NEBL: variants seen among roughly 807,000 people sequenced by gnomAD.
NEBL encodes the protein nebulette.
In NEBL, 122 loss-of-function variants were observed where a neutral mutation model predicts 140.2. The observed-to-expected ratio is 0.87, with a 90% confidence interval of 0.75 to 1.01. The LOEUF (loss-of-function observed/expected upper bound fraction) is 1.01. Among genes scored for constraint, NEBL ranks in the 50% least tolerant of loss-of-function variants. NEBL has a pLI of 0.00. For synonymous variants in NEBL, 436 were observed against 398.9 expected, an observed-to-expected ratio of 1.09 and a Z score of -1.11; for missense variants, 1,365 against 1,231.3, an observed-to-expected ratio of 1.11 and a Z score of -1.62.
At chr10:20,805,802 A>G (rs530384528) in intron 26 of NEBL, among the ~76,000 whole-genome samples, 55 of 152,156 alleles carry the variant, frequency 3.6e-4, no homozygotes, top group African/African-American at 1.2e-3. Context: ...GCAGTGAGCC[A>G]AGATCACGTT....
At chr10:20,961,198 A>G (rs895105944) in intron 4 of NEBL, among the ~76,000 whole-genome samples, 2 of 152,210 alleles carry the variant, frequency 1.3e-5, no homozygotes, top group African/African-American at 4.8e-5. Flanking sequence ...GCACAGCTTC[A>G]AGTCCAAAGC....
At chr10:20,978,798 C>G (rs1836911000) in intron 3 of NEBL, among the ~76,000 whole-genome samples, 1 of 150,778 alleles carries the variant, frequency 6.6e-6, no homozygotes, top group African/African-American at 2.4e-5. Context: ...ATCCAGTAAT[C>G]AAAACAATTG....
chr10:21,238,907 G>A (rs1391159136), intron 3 of NEBL, among the ~76,000 whole-genome samples: 2 of 152,114 alleles, frequency 1.3e-5, no homozygotes, highest in African/African-American at 2.4e-5. Flanking sequence ...GAAAACAGAC[G>A]CTTTGGTTAC....
At chr10:21,227,962 A>C (rs772504792) in intron 3 of NEBL, among the ~76,000 whole-genome samples, 4 of 152,020 alleles carry the variant, frequency 2.6e-5, no homozygotes, top group Non-Finnish European at 5.9e-5. Flanking sequence ...ATAGATATTT[A>C]CATTTACATT....
At position 20,840,840 on chromosome 10, in the gene NEBL, T is replaced by C; in HGVS notation, c.1237A>G (p.Lys413Glu). The C allele has an allele frequency of 1.3e-6, 2 of 1,561,828 alleles. No homozygotes were observed. The highest frequency in any genetic ancestry group is 1.8e-6 in the Non-Finnish European group (2 of 1,134,900). The change falls in exon 13 of 28, where the codon AAA becomes GAA. Residue 413 changes from lysine (K) to glutamate (E), a missense_variant. Around this residue, in one of 2 missense-constraint regions of NEBL, gnomAD observed 1,323 missense variants for 1,154.8 expected, o/e 1.15. Transcript: ENST00000377122. ...TTTATCTCATTTTCCAAATCTTTTTTATATTCTTTCTATGAGACAAGAATA... is the reference window on the plus strand; with the variant it reads ...TTTATCTCATTTTCCAAATCTTTTTCATATTCTTTCTATGAGACAAGAATA... ...ITNLLREKEY[K>E]KDLENEIKGK...
At chr10:21,212,719 G>T (rs187729463) in intron 3 of NEBL, among the ~76,000 whole-genome samples, 2 of 152,128 alleles carry the variant, frequency 1.3e-5, no homozygotes, top group Admixed American at 1.3e-4. Context: ...GGCCACTTGC[G>T]ACTTCCACTG....
intron 2 of NEBL, among the ~76,000 whole-genome samples, chr10:21,092,610 A>ATAG (rs1269192122): frequency 1.3e-5 from 2 of 148,514 alleles, no homozygotes; most frequent in African/African-American, 4.9e-5. Flanking sequence ...AATAATAATA[A>ATAG]TAATAATAAT....
chr10:21,239,447 C>A (rs1454182184), intron 3 of NEBL, among the ~76,000 whole-genome samples: 1 of 152,002 alleles, frequency 6.6e-6, no homozygotes, highest in Admixed American at 6.6e-5. Flanking sequence ...CACTCTGCAC[C>A]CCCACATCCC....
At chr10:20,876,812 C>G (rs1845543141) in intron 5 of NEBL, among the ~76,000 whole-genome samples, 1 of 152,156 alleles carries the variant, frequency 6.6e-6, no homozygotes, top group South Asian at 2.1e-4. Context: ...AATAATGGAA[C>G]TAGGGCTTTC....
chr10:21,139,817 G>A (rs1839529503), intron 2 of NEBL, among the ~76,000 whole-genome samples: 1 of 152,062 alleles, frequency 6.6e-6, no homozygotes, highest in Admixed American at 6.5e-5. Flanking sequence ...ATAACTTTGT[G>A]TGAAGCTCAG....
At chr10:21,048,418 GC>G (rs1382753881) in intron 2 of NEBL, among the ~76,000 whole-genome samples, 1 of 134,420 alleles carries the variant, frequency 7.4e-6, no homozygotes, top group Non-Finnish European at 1.5e-5. Context: ...TCTTCCAAGG[GC>G]CATTCTACTC....
chr10:20,917,595 A>C (rs1002224658), intron 4 of NEBL, among the ~76,000 whole-genome samples: 1 of 152,186 alleles, frequency 6.6e-6, no homozygotes, highest in Non-Finnish European at 1.5e-5. Flanking sequence ...GACAATGTGG[A>C]TCTTAGAAGG....
At chr10:20,865,262 A>G (rs1193815334) in intron 7 of NEBL, among the ~76,000 whole-genome samples, 1 of 152,232 alleles carries the variant, frequency 6.6e-6, no homozygotes, top group East Asian at 1.9e-4. Flanking sequence ...AATTATTCCT[A>G]TGAAATTATG....
chr10:21,009,362 A>G (rs971439584), intron 3 of NEBL, among the ~76,000 whole-genome samples: 3 of 152,210 alleles, frequency 2.0e-5, no homozygotes, highest in Non-Finnish European at 4.4e-5. Flanking sequence ...GATTTATCTT[A>G]GAAGACATTC....
At chr10:20,863,108 G>T (rs1161096353) in intron 7 of NEBL, among the ~76,000 whole-genome samples, 1 of 152,134 alleles carries the variant, frequency 6.6e-6, no homozygotes, top group Non-Finnish European at 1.5e-5. Context: ...CACGGATACT[G>T]TTAAGCTACA....
intron 17 of NEBL, among the ~76,000 whole-genome samples, chr10:20,827,389 C>T (rs1839979806): frequency 6.6e-6 from 1 of 152,170 alleles, no homozygotes; most frequent in Non-Finnish European, 1.5e-5. Flanking sequence ...CCTGTGGAGA[C>T]CCAGCAGACA....
chr10:21,095,498 C>A (rs1004603327), intron 2 of NEBL, among the ~76,000 whole-genome samples: 2 of 152,140 alleles, frequency 1.3e-5, no homozygotes, highest in South Asian at 2.1e-4. Context: ...CATAACTGTA[C>A]CTTTTAAAAC....
intron 26 of NEBL, among the ~76,000 whole-genome samples, chr10:20,801,289 T>C (rs1837097004): frequency 6.6e-6 from 1 of 152,174 alleles, no homozygotes; most frequent in Non-Finnish European, 1.5e-5. Context: ...CTCAGCTCAG[T>C]GCAACCTCCA....
chr10:21,000,688 G>C (rs57959816), intron 3 of NEBL, among the ~76,000 whole-genome samples: 45 of 152,194 alleles, frequency 3.0e-4, no homozygotes, highest in African/African-American at 1.0e-3. Flanking sequence ...CAGAAATAAG[G>C]CTCCCAAAAC....
Sources: gnomAD v4.1 joint callset for allele counts (sites outside exome capture counted in the v4.1 genomes callset) on GRCh38, gnomAD v4.1.1 for gene constraint, gnomAD v4.1.1 regional missense constraint, MANE v1.5 for transcripts, NCBI Gene and HGNC (gene_info 2026-07-23, HGNC 2026-07-21) for gene names.